Variants in WWOX observed in about 807,000 individuals in gnomAD.
WWOX encodes WW domain containing oxidoreductase.
In WWOX, 69 loss-of-function variants were observed where a neutral mutation model predicts 46.2. The observed-to-expected ratio is 1.49, with a 90% confidence interval of 1.23 to 1.82. The LOEUF (loss-of-function observed/expected upper bound fraction) is 1.82. WWOX is among the 40% of genes most tolerant of loss of function. The probability of loss-of-function intolerance (pLI) is 0.00; values close to 1 mark genes in which losing one functional copy is unlikely to be tolerated. For synonymous variants in WWOX, 359 were observed against 202.6 expected (o/e 1.77, Z -6.56); for missense variants, 919 against 542.6 (o/e 1.69, Z -6.89).
chr16:78,978,152 T>C (rs978573275), intron 8 of WWOX, among the ~76,000 whole-genome samples: 4 of 152,224 alleles, frequency 2.6e-5, no homozygotes, highest in African/African-American at 9.6e-5. Context: ...TTGACCCACA[T>C]TGTGGCATGT....
Position 78,919,088 on chromosome 16 carries a change from A to G in WWOX, c.1057-292520A>G, listed in dbSNP as rs74032432. Among the ~76,000 whole-genome samples the G allele has an allele frequency of 8.0e-3, 1,214 of 152,230 alleles. 14 individuals carry two copies. Among genetic ancestry groups the G allele is most frequent in the East Asian group, 0.041 (214 of 5,176 alleles). ...GGGCTGTTCCTGTTCCTCATTTCCA[A>G]TTGAAATTAATAACTCACTTGAGAT... On this transcript the variant is annotated intron_variant, in intron 8 of 8. Transcript: ENST00000566780.
chr16:78,788,893 C>T lies in WWOX; in HGVS notation c.1056+356141C>T, dbSNP rs185687567. Among the ~76,000 whole-genome samples the T allele has an allele frequency of 2.5e-4, 38 of 152,276 alleles. No homozygotes were observed. In the East Asian group the frequency reaches 7.1e-3, roughly 29 times the overall value. On this transcript the variant is annotated intron_variant, in intron 8 of 8. Coordinates refer to ENST00000566780, the MANE Select transcript of WWOX (RefSeq NM_016373.4). ...GTGTCAGGATTGAATTGGAGGACTC[C>T]CAGCTGCTGTCCCCTGCTTAGTATG...
intron 8 of WWOX, among the ~76,000 whole-genome samples, chr16:78,645,152 A>C (rs1006156649): frequency 1.5e-4 from 23 of 152,156 alleles, no homozygotes; most frequent in African/African-American, 5.5e-4. Flanking sequence ...GAATCTGTCA[A>C]GCTCTTTCCT....
intron 8 of WWOX, among the ~76,000 whole-genome samples, chr16:79,047,318 C>T (rs1466459541): frequency 1.3e-5 from 2 of 152,134 alleles, no homozygotes; most frequent in Non-Finnish European, 2.9e-5. Context: ...TTCTTAGATT[C>T]CCTTGAGCCG....
intron 6 of WWOX, among the ~76,000 whole-genome samples, chr16:78,394,799 G>C (rs1439796859): frequency 1.3e-5 from 2 of 152,186 alleles, no homozygotes; most frequent in Non-Finnish European, 2.9e-5. Context: ...GATTGGCCAG[G>C]GGCCATAGTA....
intron 8 of WWOX, among the ~76,000 whole-genome samples, chr16:78,577,159 A>G (rs1234914428): frequency 6.6e-6 from 1 of 152,194 alleles, no homozygotes; most frequent in Non-Finnish European, 1.5e-5. Context: ...AACTTAACAC[A>G]TCCCATCACT....
intron 5 of WWOX, among the ~76,000 whole-genome samples, chr16:78,220,443 G>C (rs1478547778): frequency 6.6e-6 from 1 of 152,044 alleles, no homozygotes; most frequent in Non-Finnish European, 1.5e-5. Context: ...GTTTTGCTAA[G>C]TAATACTTAA....
At chr16:78,663,726 T>A (rs1406492462) in intron 8 of WWOX, among the ~76,000 whole-genome samples, 3 of 151,894 alleles carry the variant, frequency 2.0e-5, no homozygotes, top group Non-Finnish European at 4.4e-5. Flanking sequence ...ATAGTGATTG[T>A]GTGTGTGATC....
intron 8 of WWOX, among the ~76,000 whole-genome samples, chr16:79,092,099 G>A (rs1286438630): frequency 6.6e-6 from 1 of 152,082 alleles, no homozygotes; most frequent in African/African-American, 2.4e-5. Flanking sequence ...TTCTTTTAAA[G>A]AAATGTGTAA....
At chr16:78,809,725 T>C (rs2051138972) in intron 8 of WWOX, among the ~76,000 whole-genome samples, 1 of 152,148 alleles carries the variant, frequency 6.6e-6, no homozygotes, top group Admixed American at 6.5e-5. Flanking sequence ...TGTTTGACCC[T>C]GTGGTTGTCA....
At chr16:78,169,090 G>C (rs1468075448) in intron 5 of WWOX, among the ~76,000 whole-genome samples, 2 of 152,124 alleles carry the variant, frequency 1.3e-5, no homozygotes, top group African/African-American at 4.8e-5. Flanking sequence ...GGGCAGTGGG[G>C]CTTGTTCCTA....
intron 5 of WWOX, among the ~76,000 whole-genome samples, chr16:78,289,984 G>A (rs973208163): frequency 1.3e-5 from 2 of 152,168 alleles, no homozygotes; most frequent in South Asian, 2.1e-4. Flanking sequence ...ACATCAGCCC[G>A]TGAATTTAGT....
chr16:78,764,177 G>A (rs769331947), intron 8 of WWOX, among the ~76,000 whole-genome samples: 1 of 152,120 alleles, frequency 6.6e-6, no homozygotes, highest in African/African-American at 2.4e-5. Flanking sequence ...AGGTTACAGG[G>A]TGCCATATTG....
At chr16:79,014,648 T>C (rs1397616854) in intron 8 of WWOX, among the ~76,000 whole-genome samples, 2 of 152,162 alleles carry the variant, frequency 1.3e-5, no homozygotes, top group Non-Finnish European at 2.9e-5. Flanking sequence ...AGTTTATTAA[T>C]CATGTGTCAC....
intron 8 of WWOX, among the ~76,000 whole-genome samples, chr16:78,613,238 C>T (rs555421817): frequency 1.3e-5 from 2 of 152,242 alleles, no homozygotes; most frequent in South Asian, 2.1e-4. Context: ...CCTGACATTC[C>T]CAACATCTCT....
chr16:79,159,074 A>T (rs1020248526), intron 8 of WWOX, among the ~76,000 whole-genome samples: 1 of 152,254 alleles, frequency 6.6e-6, no homozygotes, highest in Non-Finnish European at 1.5e-5. Flanking sequence ...TTCCAGCCCC[A>T]GTAGGCTTCT....
chr16:78,567,647 G>A (rs999089762), intron 8 of WWOX, among the ~76,000 whole-genome samples: 4 of 151,690 alleles, frequency 2.6e-5, no homozygotes, highest in Admixed American at 6.6e-5. Context: ...TTTAAAGGGT[G>A]CCCTTTGCTG....
rs189517514 is a variant in WWOX, at chr16:79,077,699, C to T, written c.1057-133909C>T. ...ATCTCTCGTAGCATCTAATGAAATACCAGCAAGAATTGTGTGTTGGTGTAA... is the reference window on the plus strand; with the variant it reads ...ATCTCTCGTAGCATCTAATGAAATATCAGCAAGAATTGTGTGTTGGTGTAA... On this transcript the variant is annotated intron_variant, in intron 8 of 8. Transcript: ENST00000566780. Among the ~76,000 whole-genome samples the T allele has an allele frequency of 5.3e-5, 8 of 149,998 alleles. No individual in the cohort carries two copies. In the East Asian group the frequency reaches 1.6e-3, roughly 30 times the overall value.
At chr16:78,904,858 A>G (rs775992366) in intron 8 of WWOX, among the ~76,000 whole-genome samples, 12 of 151,964 alleles carry the variant, frequency 7.9e-5, no homozygotes, top group Non-Finnish European at 1.6e-4. Flanking sequence ...GAAAATAACC[A>G]TTTTTTCTCC....
Sources: gnomAD v4.1 joint callset for allele counts (sites outside exome capture counted in the v4.1 genomes callset) on GRCh38, gnomAD v4.1.1 for gene constraint, MANE v1.5 for transcripts, NCBI Gene and HGNC (gene_info 2026-07-23, HGNC 2026-07-21) for gene names.